The following GABRA4 variants were observed in gnomAD, a reference collection of about 807,000 sequenced individuals.
GABRA4 encodes gamma-aminobutyric acid type A receptor subunit alpha4, also known as gamma-aminobutyric acid receptor subunit alpha-4.
In GABRA4, 12 loss-of-function variants were observed where a neutral mutation model predicts 49.7. The observed-to-expected ratio is 0.24, with a 90% CI of 0.15 to 0.39. GABRA4 has a LOEUF of 0.39. GABRA4 is among the 10% of genes least tolerant of loss of function. The probability of loss-of-function intolerance (pLI) is 1.00; values close to 1 mark genes in which losing one functional copy is unlikely to be tolerated. For missense variants in GABRA4, 506 were observed against 686.0 expected (o/e 0.74, Z 2.93); for synonymous variants, 288 against 240.2 (o/e 1.20, Z -1.84).
intron 8 of GABRA4, among the ~76,000 whole-genome samples, chr4:46,948,665 A>G (rs1031421804): frequency 6.6e-6 from 1 of 152,146 alleles, no homozygotes; most frequent in Non-Finnish European, 1.5e-5. Context: ...TTCTACCCCA[A>G]ATGTAACACT....
At chr4:46,930,948 G>A (rs1387684225) in intron 8 of GABRA4, among the ~76,000 whole-genome samples, 1 of 151,540 alleles carries the variant, frequency 6.6e-6, no homozygotes, top group Non-Finnish European at 1.5e-5. Flanking sequence ...TTTAGGAAAG[G>A]AAAAAACAGA....
chr4:46,958,713 G>T (rs1512134), intron 8 of GABRA4, among the ~76,000 whole-genome samples: 78,572 of 151,062 alleles, frequency 0.52, 20,674 homozygotes, highest in East Asian at 0.7. Flanking sequence ...CCACCAATTG[G>T]ACTTTTCTCC....
chr4:46,993,503 CAG>C lies in GABRA4; in HGVS notation c.-81_-80del. ...CCCTGAGCAGGGTGCGAGGAGAGGG[CAG>C]AGAGGCTCCCGCGGCGTGCGCACAC... On this transcript the variant is annotated 5_prime_UTR_variant, in exon 1 of 9. Transcript: ENST00000264318. 6.9e-7 allele frequency: 1 copy of C among 1,446,932 alleles called. No individual in the cohort carries two copies. The highest frequency in any genetic ancestry group is 9.7e-7 in the Non-Finnish European group (1 of 1,034,070). The allele number at this position is 1,446,932 out of a possible 1,614,324, so 89.6% of individuals were successfully genotyped here. A position where few individuals can be genotyped will look rare whatever the true frequency, so the allele number is the denominator to read the frequency against.
At chr4:46,974,402 G>C in intron 5 of GABRA4, 27 bp from the exon 6 acceptor site, 6 of 1,592,044 alleles carry the variant, frequency 3.8e-6, no homozygotes, top group Non-Finnish European at 5.1e-6. Context: ...AATGTGGTTA[G>C]AGTCAATGCT....
intron 8 of GABRA4, among the ~76,000 whole-genome samples, chr4:46,964,568 T>G (rs758910530): frequency 6.6e-6 from 1 of 151,762 alleles, no homozygotes; most frequent in Non-Finnish European, 1.5e-5. Context: ...AAATTAAACA[T>G]AAGCAATTTT....
chr4:46,932,127 T>C (rs981421928), intron 8 of GABRA4, among the ~76,000 whole-genome samples: 5 of 152,104 alleles, frequency 3.3e-5, no homozygotes, highest in Admixed American at 2.0e-4. Context: ...ACTTAGAAGA[T>C]TGGCCTGCCC....
At chr4:46,966,783 C>T (rs924367084) in intron 7 of GABRA4, among the ~76,000 whole-genome samples, 2 of 151,734 alleles carry the variant, frequency 1.3e-5, no homozygotes, top group African/African-American at 2.4e-5. Context: ...AGAATCCATA[C>T]AGAGAAAGAA....
In GABRA4 at chr4:46,919,931, A is replaced by G. The variant is rs1720912920; in HGVS notation, c.*8294T>C. On this transcript the variant is annotated 3_prime_UTR_variant, in exon 9 of 9. Coordinates refer to ENST00000264318, the MANE Select transcript of GABRA4 (RefSeq NM_000809.4). ...TTTACAATGAAGCTCCCTCAAAATC[A>G]TATAACCTTACCTTATCAACCAACA... 1 of 151,672 alleles carries G rather than the reference A, an allele frequency of 6.6e-6. No individual in the cohort carries two copies. Among genetic ancestry groups the G allele is most frequent in the Non-Finnish European group, 1.5e-5 (1 of 67,654 alleles). 9.4% of individuals were successfully genotyped at this position (151,672 alleles called of 1,614,324 possible).
At chr4:46,944,083 A>C (rs1448854155) in intron 8 of GABRA4, among the ~76,000 whole-genome samples, 1 of 152,108 alleles carries the variant, frequency 6.6e-6, no homozygotes, top group Admixed American at 6.6e-5. Flanking sequence ...ACGGTTAATC[A>C]TACTGTATTG....
chr4:46,968,121 T>C (rs1477804270), intron 7 of GABRA4, among the ~76,000 whole-genome samples: 1 of 151,514 alleles, frequency 6.6e-6, no homozygotes, highest in Non-Finnish European at 1.5e-5. Context: ...AAATAAGAGT[T>C]AGGAAAGAAA....
At chr4:46,942,083 C>T (rs1028563224) in intron 8 of GABRA4, among the ~76,000 whole-genome samples, 2 of 152,100 alleles carry the variant, frequency 1.3e-5, no homozygotes, top group African/African-American at 4.8e-5. Flanking sequence ...TTGATTCATC[C>T]AGCCATCTAG....
At chr4:46,980,657 A>G (rs1350655529) in intron 2 of GABRA4, among the ~76,000 whole-genome samples, 3 of 152,092 alleles carry the variant, frequency 2.0e-5, no homozygotes, top group Non-Finnish European at 4.4e-5. Context: ...AGAAAAGTTA[A>G]TTAAATTTTT....
At chr4:46,979,256 A>T (rs1379293994) in intron 2 of GABRA4, among the ~76,000 whole-genome samples, 158 bp from the exon 3 acceptor site, 1 of 152,122 alleles carries the variant, frequency 6.6e-6, no homozygotes, top group East Asian at 1.9e-4. Context: ...AAACAAATGT[A>T]GACCAAAGCG....
At chr4:46,930,781 CAG>C (rs1315597968) in intron 8 of GABRA4, among the ~76,000 whole-genome samples, 1 of 151,094 alleles carries the variant, frequency 6.6e-6, no homozygotes, top group Non-Finnish European at 1.5e-5. Context: ...AATGAAGTAA[CAG>C]GAACTAAGTC....
intron 6 of GABRA4, 56 bp downstream of exon 6, chr4:46,974,175 GA>G: frequency 6.6e-7 from 1 of 1,524,742 alleles, no homozygotes; most frequent in Non-Finnish European, 8.8e-7. Flanking sequence ...AAAGTCAGGA[GA>G]AAACTTTATT....
intron 6 of GABRA4, 133 bp from the exon 7 acceptor site, chr4:46,971,368 A>G: frequency 1.3e-6 from 1 of 740,936 alleles, no homozygotes; most frequent in Middle Eastern, 2.4e-4. Context: ...CTACACAAAC[A>G]TCAATAAGTA....
chr4:46,993,549 G>T lies in GABRA4; in HGVS notation c.-125C>A. Reference sequence around the variant, plus strand: ...CGCACACTCGCGCTCACACTCGCCCGCGCTCAGCCAGCCCGAGCCGCGGTG... The same window carrying T: ...CGCACACTCGCGCTCACACTCGCCCTCGCTCAGCCAGCCCGAGCCGCGGTG... On this transcript the variant is annotated 5_prime_UTR_variant, in exon 1 of 9. Coordinates refer to ENST00000264318, the MANE Select transcript of GABRA4 (RefSeq NM_000809.4). 9.8e-7 allele frequency: 1 copy of T among 1,022,104 alleles called. No individual in the cohort carries two copies. The highest frequency in any genetic ancestry group is 1.5e-6 in the Non-Finnish European group (1 of 680,868). 63.3% of individuals were successfully genotyped at this position (1,022,104 alleles called of 1,614,324 possible). A position where few individuals can be genotyped will look rare whatever the true frequency, so the allele number is the denominator to read the frequency against.
rs766903866 is a variant in GABRA4, at chr4:46,992,954, C to CG, written c.87-9dup. 4 of 1,399,204 alleles carry CG rather than the reference C, an allele frequency of 2.9e-6. No homozygotes were observed. The South Asian group carries it at 5.0e-5, about 17-fold the overall frequency. The allele number at this position is 1,399,204 out of a possible 1,614,324, so 86.7% of individuals were successfully genotyped here. On this transcript the variant is annotated splice_polypyrimidine_tract_variant and intron_variant, in intron 1 of 8. Coordinates refer to ENST00000264318, the MANE Select transcript of GABRA4 (RefSeq NM_000809.4). ...CCTGGGGATTCGTTTAAACTGCAAG[C>CG]GAAAAAAAAAAAACCGGGGGCGGAG... is the stretch of plus-strand genomic sequence containing the variant.
intron 8 of GABRA4, among the ~76,000 whole-genome samples, chr4:46,931,692 A>G (rs370414518): frequency 1.1e-3 from 175 of 152,228 alleles, no homozygotes; most frequent in African/African-American, 4.0e-3. Context: ...GTCATTTCCA[A>G]TTCTTAACCT....
Sources: allele counts gnomAD v4.1 joint callset (sites outside exome capture counted in the v4.1 genomes callset), GRCh38; gene constraint gnomAD v4.1.1; transcripts MANE v1.5; gene names NCBI Gene and HGNC (gene_info 2026-07-23, HGNC 2026-07-21).